Variants in ZNF331 observed in about 807,000 individuals in gnomAD.
The protein encoded by ZNF331 is C2H2-like zinc finger protein rearranged in thyroid adenomas.
ZNF331 carries 2 observed loss-of-function variants against 7.0 expected under a neutral mutation model. The observed-to-expected ratio is 0.29, with a 90% CI of 0.12 to 0.90. The LOEUF is 0.90. Ranked by LOEUF, ZNF331 falls within the 40% of genes least tolerant of loss-of-function variation. The pLI, the probability that ZNF331 is intolerant of heterozygous loss-of-function variation, is 0.58. For synonymous variants in ZNF331, 196 were observed against 205.4 expected (o/e 0.95, Z 0.39); for missense variants, 432 against 587.7 (o/e 0.74, Z 2.74).
exon 1 of ZNF331, chr19:53,521,050 C>G (rs12460681): frequency 0.17 from 25,130 of 152,230 alleles, 2,476 homozygotes; most frequent in African/African-American, 0.27. Context: ...AGGAGCGAGC[C>G]GGGTGGCCGG....
intron 3 of ZNF331, among the ~76,000 whole-genome samples, chr19:53,559,509 T>C (rs1480374381): frequency 1.4e-5 from 2 of 146,834 alleles, no homozygotes; most frequent in Admixed American, 1.4e-4. Context: ...TATACACACC[T>C]ACATATATAC....
intron 2 of ZNF331, among the ~76,000 whole-genome samples, chr19:53,532,637 C>T (rs2087585864): frequency 6.6e-6 from 1 of 152,128 alleles, no homozygotes; most frequent in African/African-American, 2.4e-5. Flanking sequence ...GCAATGAAGC[C>T]ATCATCAAGT....
upstream of ZNF331, among the ~76,000 whole-genome samples, chr19:53,533,615 G>C (rs1274675784): frequency 2.6e-5 from 4 of 151,778 alleles, no homozygotes; most frequent in East Asian, 7.8e-4. Flanking sequence ...TTGTATTGCA[G>C]TCTGTTTGTC....
At chr19:53,531,784 G>A (rs73049577) in intron 2 of ZNF331, among the ~76,000 whole-genome samples, 11,027 of 151,628 alleles carry the variant, frequency 0.073, 528 homozygotes, top group Non-Finnish European at 0.11. Flanking sequence ...CACTTGCTTT[G>A]TGTGCACAGT....
chr19:53,522,236 G>A (rs1392533148), intron 1 of ZNF331, among the ~76,000 whole-genome samples: 2 of 149,796 alleles, frequency 1.3e-5, no homozygotes, highest in East Asian at 2.0e-4. Context: ...GGGGACAAGT[G>A]TGCCCTATTT....
At chr19:53,520,569 A>C, upstream of ZNF331, among the ~76,000 whole-genome samples, 1 of 152,176 alleles carries the variant, frequency 6.6e-6, no homozygotes, top group East Asian at 1.9e-4. Context: ...ACGCTTTCCC[A>C]GAAGTCTATG....
intron 3 of ZNF331, among the ~76,000 whole-genome samples, chr19:53,559,409 C>T (rs1568512138): frequency 6.6e-6 from 1 of 151,120 alleles, no homozygotes; most frequent in Non-Finnish European, 1.5e-5. Context: ...CATATATACA[C>T]ACATACACAT....
chr19:53,510,179 T>G, the ZNF331 span, among the ~76,000 whole-genome samples: 4 of 152,180 alleles, frequency 2.6e-5, no homozygotes, highest in Non-Finnish European at 4.4e-5. Context: ...CAGTCTTTGC[T>G]CTTTCTTGGC....
At position 53,577,967 on chromosome 19, in the gene ZNF331, G is replaced by T. The variant is rs148359029; in HGVS notation, c.*15G>T. ...ACAACAGTTGAAGAGCCTTTTGAAC[G>T]CAGTAGCCCGCTCGTATCTATGGTT... On this transcript the variant is annotated 3_prime_UTR_variant, in exon 6 of 6. Transcript: ENST00000449416. 466 of 1,596,934 alleles carry T rather than the reference G, an allele frequency of 2.9e-4. 1 individual carries two copies. Among genetic ancestry groups the T allele is most frequent in the Non-Finnish European group, 3.9e-4 (457 of 1,168,944 alleles).
At chr19:53,550,386 G>A (rs1600333191) in intron 2 of ZNF331, among the ~76,000 whole-genome samples, 1 of 152,084 alleles carries the variant, frequency 6.6e-6, no homozygotes, top group Admixed American at 6.6e-5. Context: ...ATTTCTTAAT[G>A]TTTGCTTTAT....
chr19:53,553,128 T>G (rs2089119555), intron 2 of ZNF331, among the ~76,000 whole-genome samples: 1 of 152,170 alleles, frequency 6.6e-6, no homozygotes. Context: ...AGTAAATGTA[T>G]TTTATGCCAT....
intron 2 of ZNF331, among the ~76,000 whole-genome samples, chr19:53,544,201 T>G (rs1414563672): frequency 2.7e-4 from 40 of 146,362 alleles, no homozygotes; most frequent in Admixed American, 1.5e-3. Context: ...CACTCCAGCT[T>G]GGCCAGAGCA....
chr19:53,576,517 A>G (rs554800924), intron 5 of ZNF331, among the ~76,000 whole-genome samples, 180 bp from the exon 6 acceptor site: 4 of 152,288 alleles, frequency 2.6e-5, no homozygotes, highest in South Asian at 2.1e-4. Context: ...GATGTCTCCA[A>G]TGAATTCTCA....
chr19:53,549,813 G>C (rs765011590), intron 2 of ZNF331, among the ~76,000 whole-genome samples: 1 of 148,978 alleles, frequency 6.7e-6, no homozygotes, highest in Non-Finnish European at 1.5e-5. Flanking sequence ...GACTCCATTT[G>C]TTCATTTTCT....
rs569571621 is a variant in ZNF331 at position 53,577,289 on chromosome 19, C to T, written c.729C>T (p.Tyr243=). Residue 243 remains tyrosine (Y), a synonymous_variant, in exon 6 of 6, where the codon TAC becomes TAT. Coordinates refer to ENST00000449416, the MANE Select transcript of ZNF331 (RefSeq NM_001079906.2). ...GATTCCACACTGGGGAGAAAGACTA[C>T]GAATGCAAAGACTGTGGGAAGACCT... ...HQRFHTGEKD[Y]ECKDCGKTFS... The T allele has an allele frequency of 2.5e-6, 4 of 1,612,926 alleles. No individual in the cohort carries two copies. Among genetic ancestry groups the T allele is most frequent in the African/African-American group, 1.3e-5 (1 of 74,554 alleles).
At chr19:53,538,555 C>T (rs1568473234) in intron 1 of ZNF331, 1 of 152,998 alleles carries the variant, frequency 6.5e-6, no homozygotes, top group Non-Finnish European at 1.5e-5. Context: ...ACGGATGCAC[C>T]TCTGCACCGT....
At chr19:53,564,532 T>G (rs1384135278) in intron 3 of ZNF331, among the ~76,000 whole-genome samples, 1 of 151,976 alleles carries the variant, frequency 6.6e-6, no homozygotes, top group Non-Finnish European at 1.5e-5. Context: ...CCACCCGCCT[T>G]GGCCTCCCAA....
At chr19:53,544,881 C>T (rs2088487031) in intron 2 of ZNF331, among the ~76,000 whole-genome samples, 1 of 152,020 alleles carries the variant, frequency 6.6e-6, no homozygotes, top group Non-Finnish European at 1.5e-5. Context: ...TTACAGGCTC[C>T]CACCACCATA....
the ZNF331 span, among the ~76,000 whole-genome samples, chr19:53,506,438 CTCTCTG>C: frequency 1.4e-3 from 95 of 68,816 alleles, no homozygotes; most frequent in Non-Finnish European, 2.4e-3. Context: ...CTCTCTCTCT[CTCTCTG>C]TCTCTCTCTC....
Sources: gnomAD v4.1 joint callset for allele counts (sites outside exome capture counted in the v4.1 genomes callset) on GRCh38, gnomAD v4.1.1 for gene constraint, MANE v1.5 for transcripts, NCBI Gene and HGNC (gene_info 2026-07-23, HGNC 2026-07-21) for gene names.